TMEM72: variants seen among roughly 807,000 people sequenced by gnomAD.
The protein encoded by TMEM72 is kidney-specific secretory protein of 37 kDa.
TMEM72 carries 9 observed loss-of-function variants against 16.3 expected under a neutral mutation model. The ratio of observed to expected loss-of-function variants is 0.55; its 90% CI spans 0.33 to 0.96. The LOEUF is 0.96. Ranked by LOEUF, TMEM72 falls within the 40% of genes least tolerant of loss-of-function variation. The probability of loss-of-function intolerance (pLI) is 0.03; values close to 1 mark genes in which losing one functional copy is unlikely to be tolerated. For missense variants in TMEM72, 324 were observed against 337.8 expected, an observed-to-expected ratio of 0.96 and a Z score of 0.32; for synonymous variants, 160 against 146.5, an observed-to-expected ratio of 1.09 and a Z score of -0.66.
At chr10:44,927,803 C>A (rs1031488130) in intron 1 of TMEM72, 118 bp from the exon 2 acceptor site, 6 of 1,014,372 alleles carry the variant, frequency 5.9e-6, no homozygotes, top group East Asian at 4.8e-5. Context: ...AGAGAAGAAC[C>A]TACCTTGGCT....
chr10:44,912,711 A>AAACCTCTC (rs992296005), intron 1 of TMEM72, among the ~76,000 whole-genome samples: 1 of 152,168 alleles, frequency 6.6e-6, no homozygotes, highest in African/African-American at 2.4e-5. Context: ...CTGAGGATGA[A>AAACCTCTC]AACCTCTCAG....
intron 1 of TMEM72, among the ~76,000 whole-genome samples, chr10:44,927,438 A>C (rs73277494): frequency 0.026 from 3,645 of 138,398 alleles, 159 homozygotes; most frequent in African/African-American, 0.09. Flanking sequence ...GGTCCAAAGC[A>C]ATGAGCAATG....
At chr10:44,923,076 CTCACCTCTA>C (rs1259592275) in intron 1 of TMEM72, 1 of 152,306 alleles carries the variant, frequency 6.6e-6, no homozygotes, top group Non-Finnish European at 1.5e-5. Context: ...GTGGAGGCGG[CTCACCTCTA>C]CTCCATGATA....
At chr10:44,929,543 G>T (rs1840260534) in intron 2 of TMEM72, among the ~76,000 whole-genome samples, 1 of 152,172 alleles carries the variant, frequency 6.6e-6, no homozygotes, top group Non-Finnish European at 1.5e-5. Flanking sequence ...CCCGCCTCAG[G>T]GCAGGCCTCT....
In TMEM72 at chr10:44,935,260, G is replaced by T; in HGVS notation, c.*126G>T. Reference sequence around the variant, plus strand: ...AACCAGACACCCCCACACTGGCTGGGCCCCTGAGGCCATCAGGAGGTGTGA... The same window carrying T: ...AACCAGACACCCCCACACTGGCTGGTCCCCTGAGGCCATCAGGAGGTGTGA... On this transcript the variant is annotated 3_prime_UTR_variant, in exon 5 of 5. Coordinates refer to ENST00000389583, the MANE Select transcript of TMEM72 (RefSeq NM_001123376.3). 6 of 876,344 alleles carry T rather than the reference G, an allele frequency of 6.8e-6. No homozygotes were observed. Among genetic ancestry groups the T allele is most frequent in the Non-Finnish European group, 1.0e-5 (6 of 596,050 alleles). The allele number at this position is 876,344 out of a possible 1,614,324, so 54.3% of individuals were successfully genotyped here.
chr10:44,913,627 G>A (rs1284315663), intron 1 of TMEM72, among the ~76,000 whole-genome samples: 1 of 152,202 alleles, frequency 6.6e-6, no homozygotes, highest in Admixed American at 6.5e-5. Context: ...TAATGGCCAG[G>A]CTTTCAAATG....
intron 1 of TMEM72, among the ~76,000 whole-genome samples, chr10:44,926,306 AGCT>A (rs1239415399): frequency 3.9e-5 from 6 of 152,126 alleles, no homozygotes; most frequent in African/African-American, 1.4e-4. Flanking sequence ...CACCACCTAG[AGCT>A]GGCTGCCTCC....
At chr10:44,927,806 C>A (rs1356017572) in intron 1 of TMEM72, 115 bp from the exon 2 acceptor site, 1 of 997,556 alleles carries the variant, frequency 1.0e-6, no homozygotes. Flanking sequence ...GAAGAACCTA[C>A]CTTGGCTGTC....
At chr10:44,933,887 C>T (rs780344414) in intron 4 of TMEM72, 111 bp downstream of exon 4, 8 of 1,327,986 alleles carry the variant, frequency 6.0e-6, no homozygotes, top group Non-Finnish European at 8.0e-6. Context: ...ACCTTACCTG[C>T]CCCACTGCCC....
chr10:44,920,687 C>T (rs976782129), intron 1 of TMEM72, among the ~76,000 whole-genome samples: 15 of 145,808 alleles, frequency 1.0e-4, no homozygotes, highest in African/African-American at 3.9e-4. Context: ...TGATGGGAAC[C>T]GCCTGCCTCT....
intron 1 of TMEM72, among the ~76,000 whole-genome samples, chr10:44,920,722 C>T (rs1220212943): frequency 6.6e-6 from 1 of 152,234 alleles, no homozygotes; most frequent in Non-Finnish European, 1.5e-5. Context: ...TAGCCATCGT[C>T]TGCATTTGTG....
At chr10:44,923,321 C>CTCTTTT (rs1396858126) in intron 1 of TMEM72, 8 of 151,402 alleles carry the variant, frequency 5.3e-5, no homozygotes, top group African/African-American at 2.0e-4. Context: ...CTTTTTCTCT[C>CTCTTTT]TCTCTCTCTC....
intron 1 of TMEM72, among the ~76,000 whole-genome samples, chr10:44,914,369 G>A (rs12243502): frequency 1.3e-5 from 2 of 152,120 alleles, no homozygotes; most frequent in Non-Finnish European, 1.5e-5. Flanking sequence ...GACCACTCCC[G>A]CATTGTTTAC....
Position 44,911,446 on chromosome 10 carries a change from G to T in TMEM72, c.-67G>T. 6.6e-7 allele frequency: 1 copy of T among 1,506,006 alleles called. No individual in the cohort carries two copies. The highest frequency in any genetic ancestry group is 1.2e-5 in the South Asian group (1 of 82,308). The allele number at this position is 1,506,006 out of a possible 1,614,324, so 93.3% of individuals were successfully genotyped here. A position where few individuals can be genotyped will look rare whatever the true frequency, so the allele number is the denominator to read the frequency against. ...GCCTCCTACCTACACAAGGGTGTTC[G>T]GGAGCATCTCAGGGCCGAAGACTTT... On this transcript the variant is annotated 5_prime_UTR_variant, in exon 1 of 5. Coordinates refer to ENST00000389583, the MANE Select transcript of TMEM72 (RefSeq NM_001123376.3).
intron 1 of TMEM72, among the ~76,000 whole-genome samples, chr10:44,925,267 TAA>T (rs1840167282): frequency 6.6e-6 from 1 of 152,204 alleles, no homozygotes. Context: ...TCTGTTTGTC[TAA>T]AGAGTGCAAA....
intron 1 of TMEM72, among the ~76,000 whole-genome samples, chr10:44,925,191 AT>A (rs112465212): frequency 1.3e-4 from 20 of 152,098 alleles, no homozygotes; most frequent in Non-Finnish European, 1.9e-4. Context: ...CTCTGTTGCC[AT>A]TTTTTTTATG....
intron 2 of TMEM72, among the ~76,000 whole-genome samples, chr10:44,928,763 C>T (rs1296966361): frequency 8.0e-6 from 1 of 124,786 alleles, no homozygotes; most frequent in East Asian, 2.1e-4. Flanking sequence ...TCTATCTACC[C>T]ATCTATCTAT....
chr10:44,928,065 T>A lies in TMEM72; in HGVS notation c.137+78T>A, dbSNP rs1840228663. On this transcript the variant is annotated intron_variant, in intron 2 of 4. Coordinates refer to ENST00000389583, the MANE Select transcript of TMEM72 (RefSeq NM_001123376.3). ...CCTACATCTGTCTACTCAGAATAAC[T>A]CAGAGCAGTCCCCTTCCCATGTGAA... is the stretch of plus-strand genomic sequence containing the variant. 3.3e-6 allele frequency: 5 copies of A among 1,511,032 alleles called. No individual in the cohort carries two copies. In the South Asian group the frequency reaches 5.7e-5, roughly 17 times the overall value. 93.6% of individuals were successfully genotyped at this position (1,511,032 alleles called of 1,614,324 possible).
At chr10:44,912,882 G>C (rs1455345871) in intron 1 of TMEM72, among the ~76,000 whole-genome samples, 1 of 152,146 alleles carries the variant, frequency 6.6e-6, no homozygotes, top group Non-Finnish European at 1.5e-5. Flanking sequence ...CACCCCTCCT[G>C]CTACAGGATG....
Sources: gnomAD v4.1 joint callset for allele counts (sites outside exome capture counted in the v4.1 genomes callset) on GRCh38, gnomAD v4.1.1 for gene constraint, MANE v1.5 for transcripts, NCBI Gene and HGNC (gene_info 2026-07-23, HGNC 2026-07-21) for gene names.